Variants in MAPKAP1 observed in about 807,000 individuals in gnomAD.
MAPKAP1 encodes the protein target of rapamycin complex 2 subunit MAPKAP1.
In MAPKAP1, 20 loss-of-function variants were observed where a neutral mutation model predicts 65.7. The observed-to-expected ratio is 0.30, with a 90% confidence interval of 0.21 to 0.44. The LOEUF (loss-of-function observed/expected upper bound fraction) is 0.44. Ranked by LOEUF, MAPKAP1 falls within the 20% of genes least tolerant of loss-of-function variation. MAPKAP1 has a pLI of 1.00. For synonymous variants in MAPKAP1, 222 were observed against 244.3 expected (o/e 0.91, Z 0.85); for missense variants, 423 against 648.0 (o/e 0.65, Z 3.77).
At chr9:125,594,977 T>TA (rs969531997) in intron 4 of MAPKAP1, among the ~76,000 whole-genome samples, 2 of 152,204 alleles carry the variant, frequency 1.3e-5, no homozygotes, top group Admixed American at 6.5e-5. Flanking sequence ...GGGCCCGACA[T>TA]AGTTACTTAC....
intron 4 of MAPKAP1, among the ~76,000 whole-genome samples, chr9:125,630,812 T>A (rs754694876): frequency 1.3e-5 from 2 of 152,076 alleles, no homozygotes; most frequent in Non-Finnish European, 2.9e-5. Flanking sequence ...GAGAAGTGAG[T>A]TCTTACTCTA....
intron 4 of MAPKAP1, among the ~76,000 whole-genome samples, chr9:125,649,678 C>A (rs1437364612): frequency 6.6e-6 from 1 of 150,932 alleles, no homozygotes; most frequent in Non-Finnish European, 1.5e-5. Context: ...ACAAACCAGA[C>A]AATAGGATAT....
chr9:125,693,662 C>CATACATAT (rs1564620087), intron 1 of MAPKAP1, among the ~76,000 whole-genome samples: 1 of 141,910 alleles, frequency 7.0e-6, no homozygotes, highest in Non-Finnish European at 1.5e-5. Context: ...TATACATACA[C>CATACATAT]ACACATATAC....
At chr9:125,493,514 T>C (rs1464129027) in intron 8 of MAPKAP1, among the ~76,000 whole-genome samples, 1 of 152,244 alleles carries the variant, frequency 6.6e-6, no homozygotes, top group Non-Finnish European at 1.5e-5. Context: ...GTTCAATAAA[T>C]GCTGCTGATG....
At chr9:125,642,472 G>C (rs757811899) in intron 4 of MAPKAP1, among the ~76,000 whole-genome samples, 12 of 152,122 alleles carry the variant, frequency 7.9e-5, no homozygotes, top group Non-Finnish European at 1.8e-4. Flanking sequence ...ACCCAATATG[G>C]AGCTGGATTT....
chr9:125,484,096 C>T (rs1854410485), intron 9 of MAPKAP1, among the ~76,000 whole-genome samples: 1 of 152,122 alleles, frequency 6.6e-6, no homozygotes. Flanking sequence ...AATGAGCTAG[C>T]TGAGTTAAGA....
intron 7 of MAPKAP1, chr9:125,521,603 T>G: frequency 6.7e-7 from 1 of 1,482,512 alleles, no homozygotes; most frequent in South Asian, 1.4e-5. Context: ...GCAGAGGAAT[T>G]TAGCTGTGGG....
chr9:125,590,771 T>G (rs1396270990), intron 4 of MAPKAP1, among the ~76,000 whole-genome samples: 1 of 151,752 alleles, frequency 6.6e-6, no homozygotes, highest in African/African-American at 2.4e-5. Flanking sequence ...AGAAATAGGG[T>G]TCTATCATAA....
intron 7 of MAPKAP1, among the ~76,000 whole-genome samples, chr9:125,533,372 A>G (rs1045314250): frequency 1.3e-5 from 2 of 152,204 alleles, no homozygotes; most frequent in Non-Finnish European, 2.9e-5. Context: ...TTAAAGGCTG[A>G]TAACATTCAG....
chr9:125,521,853 G>A, intron 7 of MAPKAP1: 3 of 1,210,994 alleles, frequency 2.5e-6, no homozygotes, highest in South Asian at 1.3e-5. Context: ...ACTCCAACCT[G>A]AGTCAGTGGA....
chr9:125,639,393 G>T (rs1417892477), intron 4 of MAPKAP1, among the ~76,000 whole-genome samples: 1 of 152,148 alleles, frequency 6.6e-6, no homozygotes, highest in Admixed American at 6.5e-5. Flanking sequence ...CACTGCGGGG[G>T]TTATCATCTC....
intron 10 of MAPKAP1, among the ~76,000 whole-genome samples, chr9:125,445,645 T>C (rs1300473438): frequency 1.3e-5 from 2 of 152,368 alleles, no homozygotes; most frequent in East Asian, 1.9e-4. Flanking sequence ...TTCCCTCTTC[T>C]AAATGCAGAC....
chr9:125,457,452 T>G (rs748526766), intron 10 of MAPKAP1, among the ~76,000 whole-genome samples: 34 of 152,262 alleles, frequency 2.2e-4, no homozygotes, highest in African/African-American at 6.8e-4. Context: ...TTCTATCACC[T>G]CTGACTCTTC....
At chr9:125,699,714 C>T (rs950975173) in intron 1 of MAPKAP1, among the ~76,000 whole-genome samples, 3 of 151,086 alleles carry the variant, frequency 2.0e-5, no homozygotes, top group Non-Finnish European at 4.4e-5. Flanking sequence ...CTCACAGCAG[C>T]CTCAGCCCCC....
At chr9:125,480,853 TC>T (rs1854283699) in intron 9 of MAPKAP1, among the ~76,000 whole-genome samples, 1 of 151,484 alleles carries the variant, frequency 6.6e-6, no homozygotes, top group African/African-American at 2.4e-5. Flanking sequence ...GCGCCTGTAG[TC>T]CCAGCTACTC....
intron 6 of MAPKAP1, among the ~76,000 whole-genome samples, chr9:125,552,225 G>A (rs1291046813): frequency 6.6e-6 from 1 of 152,136 alleles, no homozygotes; most frequent in East Asian, 1.9e-4. Context: ...TCCATTACCA[G>A]GCTCCTAATT....
chr9:125,594,988 A>G (rs1832084039), intron 4 of MAPKAP1, among the ~76,000 whole-genome samples: 6 of 152,238 alleles, frequency 3.9e-5, no homozygotes, highest in Admixed American at 3.3e-4. Context: ...AGTTACTTAC[A>G]CATACTGATG....
chr9:125,470,058 G>A (rs1853845053), intron 9 of MAPKAP1, among the ~76,000 whole-genome samples: 1 of 152,076 alleles, frequency 6.6e-6, no homozygotes, highest in African/African-American at 2.4e-5. Context: ...TCTTTTCTCA[G>A]AAAGAATGGG....
At chr9:125,649,818 GA>G (rs1244254782) in intron 4 of MAPKAP1, among the ~76,000 whole-genome samples, 1 of 138,866 alleles carries the variant, frequency 7.2e-6, no homozygotes, top group Non-Finnish European at 1.6e-5. Flanking sequence ...AAAAAAAAAA[GA>G]AAAGAAGAAA....
Sources: gnomAD v4.1 joint callset for allele counts (sites outside exome capture counted in the v4.1 genomes callset) on GRCh38, gnomAD v4.1.1 for gene constraint, MANE v1.5 for transcripts, NCBI Gene and HGNC (gene_info 2026-07-23, HGNC 2026-07-21) for gene names.